The following ESR1 variants were observed in gnomAD, a reference collection of about 807,000 sequenced individuals.
The protein encoded by ESR1 is estrogen receptor.
ESR1 carries 12 observed loss-of-function variants against 52.7 expected under a neutral mutation model. That is an observed-to-expected ratio of 0.23 (90% CI 0.15 to 0.37). The LOEUF is 0.37. Ranked by LOEUF, ESR1 falls within the 10% of genes least tolerant of loss-of-function variation. The probability of loss-of-function intolerance (pLI) is 1.00; values close to 1 mark genes in which losing one functional copy is unlikely to be tolerated. For missense variants in ESR1, 584 were observed against 779.7 expected, an observed-to-expected ratio of 0.75 and a Z score of 2.99; for synonymous variants, 305 against 316.8, an observed-to-expected ratio of 0.96 and a Z score of 0.39.
At chr6:151,717,922 A>G (rs559760717) in intron 2 of ESR1, among the ~76,000 whole-genome samples, 7 of 152,338 alleles carry the variant, frequency 4.6e-5, no homozygotes, top group African/African-American at 7.2e-5. Context: ...AGTAATTCTC[A>G]AGGAGCAAAG....
chr6:151,673,305 CTAAA>C (rs1179569806), intron 1 of ESR1, among the ~76,000 whole-genome samples: 1 of 152,168 alleles, frequency 6.6e-6, no homozygotes, highest in Non-Finnish European at 1.5e-5. Context: ...TCTTGGACTT[CTAAA>C]TAGTTTTTGC....
At chr6:151,704,623 G>A (rs1780045206) in intron 2 of ESR1, among the ~76,000 whole-genome samples, 1 of 152,144 alleles carries the variant, frequency 6.6e-6, no homozygotes, top group African/African-American at 2.4e-5. Context: ...GTCATGTCTG[G>A]AGTCAGTGAG....
chr6:151,717,145 C>T (rs770718135), intron 2 of ESR1, among the ~76,000 whole-genome samples: 17 of 152,150 alleles, frequency 1.1e-4, no homozygotes, highest in African/African-American at 3.1e-4. Context: ...CCAGGTGAGG[C>T]GATGCCCCAC....
chr6:151,950,196 T>C (rs943831132), intron 4 of ESR1, among the ~76,000 whole-genome samples: 2 of 152,148 alleles, frequency 1.3e-5, no homozygotes, highest in Admixed American at 1.3e-4. Context: ...GCCTCTTTCT[T>C]TTGTAAATTG....
chr6:151,672,400 C>A (rs1778096279), intron 1 of ESR1, among the ~76,000 whole-genome samples: 1 of 151,672 alleles, frequency 6.6e-6, no homozygotes, highest in Non-Finnish European at 1.5e-5. Flanking sequence ...GCAGTGGCAC[C>A]ATCTTGGCTC....
At chr6:152,076,083 T>G (rs2048711959) in intron 6 of ESR1, among the ~76,000 whole-genome samples, 1 of 152,214 alleles carries the variant, frequency 6.6e-6, no homozygotes, top group Non-Finnish European at 1.5e-5. Context: ...GGAGACAGAT[T>G]ATCACACTGA....
intron 4 of ESR1, among the ~76,000 whole-genome samples, chr6:152,002,629 C>T (rs2042044982): frequency 6.6e-6 from 1 of 152,018 alleles, no homozygotes; most frequent in African/African-American, 2.4e-5. Flanking sequence ...AAGTACTTTA[C>T]TTCATAGTTT....
At chr6:152,055,013 T>G (rs936904874) in intron 5 of ESR1, among the ~76,000 whole-genome samples, 2 of 152,220 alleles carry the variant, frequency 1.3e-5, no homozygotes, top group Non-Finnish European at 2.9e-5. Flanking sequence ...GCGACAGGAT[T>G]TCCTTCTTGT....
intron 3 of ESR1, among the ~76,000 whole-genome samples, chr6:151,895,754 T>A (rs1795397404): frequency 6.6e-6 from 1 of 152,182 alleles, no homozygotes; most frequent in Admixed American, 6.5e-5. Flanking sequence ...ACTTGATCAT[T>A]GTGGATTATC....
chr6:151,887,750 G>A lies in ESR1; in HGVS notation c.760+6979G>A, dbSNP rs534425771. ...GCTGGAGGAAGCATGAGTGTAGGCAGCACAACAATCCCTATAAGGACCATG... is the reference window on the plus strand; with the variant it reads ...GCTGGAGGAAGCATGAGTGTAGGCAACACAACAATCCCTATAAGGACCATG... On this transcript the variant is annotated intron_variant, in intron 3 of 7. Coordinates refer to ENST00000206249, the MANE Select transcript of ESR1 (RefSeq NM_000125.4). Among the ~76,000 whole-genome samples the A allele has an allele frequency of 9.2e-5, 14 of 152,060 alleles. No homozygotes were observed. The South Asian group carries it at 2.9e-3, about 32-fold the overall frequency.
chr6:152,055,506 T>C (rs1173653207), intron 5 of ESR1, among the ~76,000 whole-genome samples: 2 of 152,200 alleles, frequency 1.3e-5, no homozygotes, highest in African/African-American at 4.8e-5. Flanking sequence ...ACAAAGAAGA[T>C]TTACTTGGTC....
At chr6:151,981,014 T>A (rs191721781) in intron 4 of ESR1, among the ~76,000 whole-genome samples, 41 of 152,358 alleles carry the variant, frequency 2.7e-4, no homozygotes, top group Non-Finnish European at 5.0e-4. Flanking sequence ...TCTGAAGTTT[T>A]AAAATGGCTG....
intron 2 of ESR1, among the ~76,000 whole-genome samples, chr6:151,775,675 G>A (rs1374623102): frequency 6.6e-6 from 1 of 151,884 alleles, no homozygotes; most frequent in Non-Finnish European, 1.5e-5. Context: ...GAACCCGGGA[G>A]GCGGAGCTTG....
upstream of ESR1, among the ~76,000 whole-genome samples, chr6:151,686,705 CA>C (rs1778700574): frequency 1.3e-5 from 2 of 151,642 alleles, no homozygotes; most frequent in Admixed American, 6.6e-5. Flanking sequence ...ACCAACCAAC[CA>C]ACCAACCAAC....
chr6:151,684,575 G>A (rs1401178405), intron 1 of ESR1, among the ~76,000 whole-genome samples: 1 of 152,202 alleles, frequency 6.6e-6, no homozygotes, highest in Admixed American at 6.5e-5. Context: ...AAGGGATGGA[G>A]GCTGGAGGTA....
chr6:152,091,743 C>T (rs750243001), intron 6 of ESR1, among the ~76,000 whole-genome samples: 7 of 152,144 alleles, frequency 4.6e-5, no homozygotes, highest in Non-Finnish European at 5.9e-5. Flanking sequence ...GCCTTCACAC[C>T]GTGCAAACAA....
chr6:151,910,200 A>C (rs1057433443), intron 3 of ESR1, among the ~76,000 whole-genome samples: 5 of 152,002 alleles, frequency 3.3e-5, no homozygotes, highest in African/African-American at 9.7e-5. Context: ...TGAGCACTTG[A>C]TATGTTGTTG....
At chr6:151,763,101 C>T (rs1356073272) in intron 2 of ESR1, among the ~76,000 whole-genome samples, 3 of 151,954 alleles carry the variant, frequency 2.0e-5, no homozygotes, top group South Asian at 2.1e-4. Context: ...TGAAAGTTTA[C>T]ATTTTTCTCT....
intron 6 of ESR1, among the ~76,000 whole-genome samples, chr6:152,075,973 T>C (rs1158075529): frequency 6.6e-6 from 1 of 152,220 alleles, no homozygotes; most frequent in Admixed American, 6.5e-5. Flanking sequence ...CCACAGAGGA[T>C]TTGAAATGCC....
Sources: allele counts gnomAD v4.1 joint callset (sites outside exome capture counted in the v4.1 genomes callset), GRCh38; gene constraint gnomAD v4.1.1; transcripts MANE v1.5; gene names NCBI Gene and HGNC (gene_info 2026-07-23, HGNC 2026-07-21).